The following CES5A variants were observed in gnomAD, a reference collection of about 807,000 sequenced individuals.
CES5A encodes the protein carboxylesterase 5A, also known as carboxylesterase 5.
CES5A carries 67 observed loss-of-function variants against 62.9 expected under a neutral mutation model. The observed-to-expected ratio is 1.07, with a 90% confidence interval of 0.88 to 1.31. The LOEUF (loss-of-function observed/expected upper bound fraction) is 1.31, where lower values mean the gene tolerates loss of function less well. CES5A is among the 50% of genes most tolerant of loss of function. The pLI, the probability that CES5A is intolerant of heterozygous loss-of-function variation, is 0.00. For missense variants in CES5A, 748 were observed against 708.5 expected, an observed-to-expected ratio of 1.06 and a Z score of -0.63; for synonymous variants, 296 against 280.8, an observed-to-expected ratio of 1.05 and a Z score of -0.54.
intron 9 of CES5A, among the ~76,000 whole-genome samples, chr16:55,853,889 C>G (rs1412847928): frequency 4.6e-5 from 7 of 152,186 alleles, no homozygotes; most frequent in South Asian, 2.1e-4. Context: ...AAGACAGCAG[C>G]CCTTGATGGG....
intron 1 of CES5A, among the ~76,000 whole-genome samples, chr16:55,905,398 G>T (rs4122235): frequency 2.0e-5 from 3 of 146,980 alleles, no homozygotes; most frequent in Admixed American, 6.9e-5. Flanking sequence ...ATGGAGTCTC[G>T]CTCTGTCACC....
chr16:55,867,698 G>C (rs181434485), intron 4 of CES5A, among the ~76,000 whole-genome samples: 1 of 152,036 alleles, frequency 6.6e-6, no homozygotes, highest in African/African-American at 2.4e-5. Flanking sequence ...TCTCAGCCTC[G>C]AGCACAGGAT....
At chr16:55,857,513 C>A (rs532886655) in intron 8 of CES5A, among the ~76,000 whole-genome samples, 1 of 152,268 alleles carries the variant, frequency 6.6e-6, no homozygotes, top group East Asian at 1.9e-4. Context: ...GCAGTACCTG[C>A]CTCCTGGAAT....
At chr16:55,953,551 G>GA (rs151045317) in intron 1 of CES5A, among the ~76,000 whole-genome samples, 24 of 150,156 alleles carry the variant, frequency 1.6e-4, no homozygotes, top group South Asian at 1.1e-3. Flanking sequence ...TTCACAAAAG[G>GA]AAAAAAAAAC....
chr16:55,944,787 C>G (rs145203055), intron 2 of CES5A, among the ~76,000 whole-genome samples: 1 of 152,236 alleles, frequency 6.6e-6, no homozygotes, highest in African/African-American at 2.4e-5. Flanking sequence ...AGATACCCCA[C>G]CCTCAGCCAT....
chr16:55,889,629 C>T (rs1209960167), intron 1 of CES5A, among the ~76,000 whole-genome samples: 1 of 151,888 alleles, frequency 6.6e-6, no homozygotes, highest in Non-Finnish European at 1.5e-5. Flanking sequence ...TCCACATGTT[C>T]AGCTATCCAG....
At chr16:55,883,127 A>T (rs1425580642) in intron 1 of CES5A, among the ~76,000 whole-genome samples, 1 of 152,212 alleles carries the variant, frequency 6.6e-6, no homozygotes, top group African/African-American at 2.4e-5. Flanking sequence ...CACAGCAGCT[A>T]TGATCAGAGT....
intron 1 of CES5A, among the ~76,000 whole-genome samples, chr16:55,889,603 C>T (rs1190099619): frequency 6.6e-6 from 1 of 152,094 alleles, no homozygotes; most frequent in Non-Finnish European, 1.5e-5. Flanking sequence ...ACCTGCCCCA[C>T]CCCTGACCCT....
At chr16:55,953,038 G>C (rs1370031103) in intron 1 of CES5A, among the ~76,000 whole-genome samples, 1 of 152,112 alleles carries the variant, frequency 6.6e-6, no homozygotes, top group Non-Finnish European at 1.5e-5. Flanking sequence ...AAACTAATAA[G>C]GTATTAGGAG....
At chr16:55,888,537 T>C (rs1477219864) in intron 1 of CES5A, among the ~76,000 whole-genome samples, 1 of 152,230 alleles carries the variant, frequency 6.6e-6, no homozygotes, top group African/African-American at 2.4e-5. Flanking sequence ...CATTCACTTT[T>C]CATCCACTAC....
upstream of CES5A, among the ~76,000 whole-genome samples, chr16:55,928,898 TC>T (rs1390540378): frequency 6.6e-6 from 1 of 152,086 alleles, no homozygotes; most frequent in African/African-American, 2.4e-5. Context: ...GACTCAGAGG[TC>T]CCAGGTGACT....
In CES5A at chr16:55,940,802, T is replaced by C. The variant is rs547346816; in HGVS notation, c.160+8983A>G. ...ATAGCAACCAAATTAAAAAAACACATACACAACCAAGTGGAATTTATAGCA... is the reference window on the plus strand; with the variant it reads ...ATAGCAACCAAATTAAAAAAACACACACACAACCAAGTGGAATTTATAGCA... On this transcript the variant is annotated intron_variant, in intron 2 of 13. Coordinates refer to the CES5A transcript ENST00000521992. Among the ~76,000 whole-genome samples, 10 of 151,776 alleles carry C rather than the reference T, an allele frequency of 6.6e-5. No individual in the cohort carries two copies. The East Asian group carries it at 1.9e-3, about 29-fold the overall frequency.
intron 1 of CES5A, among the ~76,000 whole-genome samples, chr16:55,919,840 C>G (rs915259987): frequency 6.6e-6 from 1 of 152,104 alleles, no homozygotes; most frequent in African/African-American, 2.4e-5. Flanking sequence ...TCTTTTTGCC[C>G]GGCAGTGTGC....
Position 55,875,290 on chromosome 16 carries a change from C to G in CES5A, c.-69G>C. 1 of 1,576,446 alleles carries G rather than the reference C, an allele frequency of 6.3e-7. No homozygotes were observed. Among genetic ancestry groups the G allele is most frequent in the Non-Finnish European group, 8.6e-7 (1 of 1,163,936 alleles). On this transcript the variant is annotated 5_prime_UTR_variant, in exon 1 of 13. Coordinates refer to ENST00000290567, the MANE Select transcript of CES5A (RefSeq NM_001143685.2). ...GGCCTCAGAGAGCTTCAGTTGGGAG[C>G]CAGAAAGAGCTTCCTGTTAACAGGC...
At chr16:55,923,435 C>A (rs909573857) in intron 1 of CES5A, among the ~76,000 whole-genome samples, 8 of 151,790 alleles carry the variant, frequency 5.3e-5, no homozygotes, top group African/African-American at 1.9e-4. Flanking sequence ...GGATAAATGT[C>A]TGGACACATA....
chr16:55,863,501 C>A lies in CES5A; in HGVS notation c.706-49G>T, dbSNP rs756227319. 3 of 910,354 alleles carry A rather than the reference C, an allele frequency of 3.3e-6. No homozygotes were observed. The Admixed American group carries it at 5.1e-5, about 15-fold the overall frequency. 56.4% of individuals were successfully genotyped at this position (910,354 alleles called of 1,614,324 possible). A position where few individuals can be genotyped will look rare whatever the true frequency, so the allele number is the denominator to read the frequency against. On this transcript the variant is annotated intron_variant, in intron 5 of 12. Coordinates refer to ENST00000290567, the MANE Select transcript of CES5A (RefSeq NM_001143685.2). ...CAGGAAAGGTTACTCCCCACCAACA[C>A]ACATACCATTCATCCCTCTTCAAAG...
chr16:55,878,910 ACCACTGCACCCCATCACTGCACCTC>A (rs1360717280), upstream of CES5A, among the ~76,000 whole-genome samples: 8 of 130,038 alleles, frequency 6.2e-5, no homozygotes, highest in South Asian at 2.6e-4. Flanking sequence ...ACTGCACCCT[ACCACTGCACCCCATCACTGCACCTC>A]CCACTGCACC....
rs1305183163 is a variant in CES5A, at chr16:55,918,348, T to C, written c.-256+6975A>G. Among the ~76,000 whole-genome samples the C allele has an allele frequency of 7.2e-5, 11 of 152,244 alleles. No individual in the cohort carries two copies. The East Asian group carries it at 2.1e-3, about 30-fold the overall frequency. On this transcript the variant is annotated intron_variant, in intron 1 of 12. Transcript: ENST00000518005. ...TTTCTTGAATATGTCCAACTACTGT[T>C]CCAACTATAATAAATCCGTCATTCC...
intron 2 of CES5A, among the ~76,000 whole-genome samples, chr16:55,938,790 A>G: frequency 1.3e-5 from 1 of 77,804 alleles, no homozygotes; most frequent in Non-Finnish European, 2.8e-5. Context: ...ATATATATAT[A>G]TATATATACA....
Sources: gnomAD v4.1 joint callset for allele counts (sites outside exome capture counted in the v4.1 genomes callset) on GRCh38, gnomAD v4.1.1 for gene constraint, MANE v1.5 for transcripts, NCBI Gene and HGNC (gene_info 2026-07-23, HGNC 2026-07-21) for gene names.